LRRC37A3: variants seen among roughly 807,000 people sequenced by gnomAD.
The protein encoded by LRRC37A3 is leucine rich repeat containing 37 member A3.
In LRRC37A3, 25 loss-of-function variants were observed where a neutral mutation model predicts 106.2. The observed-to-expected ratio is 0.24, with a 90% CI of 0.17 to 0.33. The LOEUF (loss-of-function observed/expected upper bound fraction) is 0.33. Ranked by LOEUF, LRRC37A3 falls within the 10% of genes least tolerant of loss-of-function variation. The probability of loss-of-function intolerance (pLI) is 1.00; values close to 1 mark genes in which losing one functional copy is unlikely to be tolerated. For synonymous variants in LRRC37A3, 305 were observed against 635.8 expected (o/e 0.48, Z 7.83); for missense variants, 712 against 1,644.9 (o/e 0.43, Z 9.81).
intron 10 of LRRC37A3, among the ~76,000 whole-genome samples, chr17:64,864,177 A>C (rs1240165561): frequency 2.0e-5 from 3 of 152,140 alleles, no homozygotes; most frequent in Non-Finnish European, 2.9e-5. Context: ...TCAAGTGATC[A>C]AACTTAGTAT....
At chr17:64,868,109 G>A (rs1973179821) in intron 10 of LRRC37A3, among the ~76,000 whole-genome samples, 1 of 152,084 alleles carries the variant, frequency 6.6e-6, no homozygotes, top group Non-Finnish European at 1.5e-5. Flanking sequence ...TGTGAAAGGA[G>A]CCAAACACAA....
chr17:64,874,292 G>A lies in LRRC37A3; in HGVS notation c.2907-5126C>T, dbSNP rs530508564. Among the ~76,000 whole-genome samples the A allele has an allele frequency of 3.4e-4, 51 of 151,822 alleles. 1 individual carries two copies. The South Asian group carries it at 9.3e-3, about 28-fold the overall frequency. ...TGGGATGTGAGGAGCGCCTCTGCCC[G>A]GCCGCGACCCCGTCTGGGAGGTGAG... is the stretch of plus-strand genomic sequence containing the variant. On this transcript the variant is annotated intron_variant, in intron 8 of 14. Coordinates refer to ENST00000584306, the MANE Select transcript of LRRC37A3 (RefSeq NM_199340.5).
chr17:64,893,674 G>A (rs977070891), intron 4 of LRRC37A3, among the ~76,000 whole-genome samples: 4 of 125,702 alleles, frequency 3.2e-5, no homozygotes, highest in African/African-American at 1.5e-4. Flanking sequence ...TTTTGAGATG[G>A]AGTCTTGCTC....
chr17:64,869,655 C>T (rs1432420345), intron 8 of LRRC37A3, among the ~76,000 whole-genome samples: 1 of 150,202 alleles, frequency 6.7e-6, no homozygotes, highest in Non-Finnish European at 1.5e-5. Flanking sequence ...CCTGTTCTGC[C>T]TCAGCCTTCC....
chr17:64,875,770 CAG>C (rs1973489248), intron 8 of LRRC37A3, among the ~76,000 whole-genome samples: 1 of 149,990 alleles, frequency 6.7e-6, no homozygotes, highest in Non-Finnish European at 1.5e-5. Context: ...GCCTGGGCAA[CAG>C]AGTGAGACTC....
chr17:64,872,131 C>CAAAAA (rs1225535618), intron 8 of LRRC37A3, among the ~76,000 whole-genome samples: 1 of 22,668 alleles, frequency 4.4e-5, no homozygotes, highest in Non-Finnish European at 9.3e-5. Context: ...GACTCTGTCT[C>CAAAAA]AAAAAAAAAA....
At chr17:64,913,337 GT>G (rs945846426) in intron 2 of LRRC37A3, among the ~76,000 whole-genome samples, 8,193 of 103,712 alleles carry the variant, frequency 0.079, 653 homozygotes, top group African/African-American at 0.22. Flanking sequence ...CCTATTTTGG[GT>G]TTTTTTTTTT....
chr17:64,876,275 C>T (rs920944050), intron 8 of LRRC37A3, among the ~76,000 whole-genome samples: 5 of 152,174 alleles, frequency 3.3e-5, no homozygotes, highest in South Asian at 2.1e-4. Flanking sequence ...CCCAATCTCC[C>T]GGGCTCAAGT....
At chr17:64,870,035 C>G (rs1598402890) in intron 8 of LRRC37A3, among the ~76,000 whole-genome samples, 1 of 151,092 alleles carries the variant, frequency 6.6e-6, no homozygotes, top group South Asian at 2.1e-4. Context: ...AATCACCTGT[C>G]CACTTGTCAG....
intron 10 of LRRC37A3, among the ~76,000 whole-genome samples, chr17:64,866,605 T>C (rs1254439912): frequency 3.3e-4 from 6 of 18,238 alleles, no homozygotes; most frequent in East Asian, 1.7e-3. Context: ...TATATATATA[T>C]ATATATATAT....
chr17:64,865,255 C>T (rs970606432), intron 10 of LRRC37A3, among the ~76,000 whole-genome samples: 16 of 152,154 alleles, frequency 1.1e-4, no homozygotes, highest in African/African-American at 3.4e-4. Flanking sequence ...GTGATCCTCC[C>T]ACCTCAGCCT....
intron 8 of LRRC37A3, among the ~76,000 whole-genome samples, chr17:64,875,076 A>C (rs1973462439): frequency 6.6e-6 from 1 of 151,932 alleles, no homozygotes. Context: ...TGCGAGAAAC[A>C]CCCAAGAATG....
At chr17:64,880,766 G>GC (rs955637059) in intron 8 of LRRC37A3, among the ~76,000 whole-genome samples, 4 of 145,712 alleles carry the variant, frequency 2.7e-5, no homozygotes, top group Non-Finnish European at 6.1e-5. Context: ...TTTCTTGCCT[G>GC]TTTTTTTTTT....
In LRRC37A3 at chr17:64,859,813, A is replaced by G. The variant is rs767033082; in HGVS notation, c.4333T>C (p.Trp1445Arg). The change falls in exon 12 of 15, where the codon TGG becomes CGG. Residue 1445 changes from tryptophan to arginine, a missense_variant. By Grantham distance (101) the Trp-to-Arg change is moderately radical (BLOSUM62 -3). Coordinates refer to ENST00000584306, the MANE Select transcript of LRRC37A3 (RefSeq NM_199340.5). ...TCAGTGCCCACGTTGTTGTATTCCCATTTTGTCTCAGTTTGTTTAACAGTT... is the reference window on the plus strand; with the variant it reads ...TCAGTGCCCACGTTGTTGTATTCCCGTTTTGTCTCAGTTTGTTTAACAGTT... Reference protein sequence around the residue: ...GPTVKQTETKWEYNNVGTDLS... With the variant: ...GPTVKQTETKREYNNVGTDLS... 202 of 1,611,772 alleles carry G rather than the reference A, an allele frequency of 1.3e-4. 1 individual carries two copies. The highest frequency in any genetic ancestry group is 8.3e-4 in the Middle Eastern group (4 of 4,794).
At chr17:64,862,105 TAA>T (rs35421412) in intron 11 of LRRC37A3, among the ~76,000 whole-genome samples, 10 of 123,196 alleles carry the variant, frequency 8.1e-5, no homozygotes, top group Admixed American at 1.6e-4. Context: ...ACATAATTGG[TAA>T]AAAAAAAAAA....
intron 13 of LRRC37A3, among the ~76,000 whole-genome samples, chr17:64,858,203 T>C (rs1036720439): frequency 1.4e-4 from 21 of 152,186 alleles, no homozygotes; most frequent in African/African-American, 5.1e-4. Context: ...GTATGAGATG[T>C]TCCCCCTCAC....
chr17:64,871,949 A>G (rs1400112320), intron 8 of LRRC37A3, among the ~76,000 whole-genome samples: 2 of 151,988 alleles, frequency 1.3e-5, no homozygotes, highest in Non-Finnish European at 2.9e-5. Context: ...CTGGCTAACA[A>G]GGCGAAACCC....
intron 2 of LRRC37A3, among the ~76,000 whole-genome samples, chr17:64,915,386 A>G (rs2143636268): frequency 6.6e-6 from 1 of 152,240 alleles, no homozygotes; most frequent in East Asian, 1.9e-4. Flanking sequence ...CTGTTTTTCT[A>G]ATAATCAAAA....
At chr17:64,866,617 TA>T (rs1973103458) in intron 10 of LRRC37A3, among the ~76,000 whole-genome samples, 5 of 24,778 alleles carry the variant, frequency 2.0e-4, no homozygotes, top group Non-Finnish European at 3.4e-4. Flanking sequence ...TATATATATA[TA>T]TATATATATA....
Sources: allele counts gnomAD v4.1 joint callset (sites outside exome capture counted in the v4.1 genomes callset), GRCh38; gene constraint gnomAD v4.1.1; transcripts MANE v1.5; gene names NCBI Gene and HGNC (gene_info 2026-07-23, HGNC 2026-07-21).